NES: variants seen among roughly 807,000 people sequenced by gnomAD.
The protein encoded by NES is nestin.
NES carries 27 observed loss-of-function variants against 35.6 expected under a neutral mutation model. The ratio of observed to expected loss-of-function variants is 0.76; its 90% CI spans 0.56 to 1.04. The LOEUF (loss-of-function observed/expected upper bound fraction) is 1.04, where lower values mean the gene tolerates loss of function less well. Ranked by LOEUF, NES falls within the 50% of genes least tolerant of loss-of-function variation. The pLI is 0.00. For synonymous variants in NES, 822 were observed against 824.2 expected (o/e 1.00, Z 0.04); for missense variants, 1,867 against 1,983.6 (o/e 0.94, Z 1.12).
In NES at chr1:156,670,698, G is replaced by T; in HGVS notation, c.3490C>A (p.Pro1164Thr). 1.9e-6 allele frequency: 3 copies of T among 1,613,936 alleles called. No individual in the cohort carries two copies. The highest frequency in any genetic ancestry group is 2.5e-6 in the Non-Finnish European group (3 of 1,179,926). The change falls in exon 4 of 4, where the codon CCT becomes ACT. Residue 1164 changes from proline (P) to threonine (T), a missense_variant. Coordinates refer to ENST00000368223, the MANE Select transcript of NES (RefSeq NM_006617.2). ...CTACCCTCCCTGGGAGGCTCCCAAGGGTCTCTGCTCTTCCCAGGCAGCTCG... is the reference window on the plus strand; with the variant it reads ...CTACCCTCCCTGGGAGGCTCCCAAGTGTCTCTGCTCTTCCCAGGCAGCTCG... ...FSELPGKSRD[P>T]WEPPREGREE...
rs1397422889 is a variant in NES, at chr1:156,677,139, C to T, written c.126G>A (p.Gly42=). ...AGGTGTCCGCGGATTGTGCCCGGAG[C>T]CCCCCGAGCTCCGCGCTGAGCAGCT... ...QNELLSAELG[G]LRAQSADTSW... The change falls in exon 1 of 4, where the codon GGG becomes GGA. Residue 42 remains glycine (G), a synonymous_variant. Transcript: ENST00000368223. This position sits in a 1 kb window ranked among gnomAD's most constrained non-coding sequence, Gnocchi z 4.5. 1.1e-5 allele frequency: 17 copies of T among 1,609,108 alleles called. No individual in the cohort carries two copies. The highest frequency in any genetic ancestry group is 1.4e-5 in the Non-Finnish European group (17 of 1,178,518).
Position 156,670,850 on chromosome 1 carries a change from T to A in NES, c.3338A>T (p.His1113Leu). The A allele has an allele frequency of 1.2e-6, 2 of 1,612,286 alleles. No homozygotes were observed. The highest frequency in any genetic ancestry group is 4.5e-5 in the East Asian group (2 of 44,684). The change falls in exon 4 of 4, where the codon CAT (histidine) becomes CTT (leucine). Residue 1113 changes from histidine to leucine, a missense_variant. By Grantham distance (99) the His-to-Leu change is moderately conservative. Coordinates refer to ENST00000368223, the MANE Select transcript of NES (RefSeq NM_006617.2). ...QGVGGLGDPGHLTREEVMEPP... is the reference protein window; with the variant it reads ...QGVGGLGDPGLLTREEVMEPP... ...TTCCATCACCTCTTCCCTGGTCAGATGGCCTGGGTCCCCCAGCCCTCCCAC... is the reference window on the plus strand; with the variant it reads ...TTCCATCACCTCTTCCCTGGTCAGAAGGCCTGGGTCCCCCAGCCCTCCCAC...
Position 156,672,007 on chromosome 1 carries a change from T to G in NES, c.2181A>C (p.Glu727Asp). 6.2e-7 allele frequency: 1 copy of G among 1,614,084 alleles called. No homozygotes were observed. Among genetic ancestry groups the G allele is most frequent in the Non-Finnish European group, 8.5e-7 (1 of 1,180,006 alleles). ...GAGGTCTCACAATACTCTGGTCCTCTTCTTCTAGAGTCTTCAGTGGCTCCT... is the reference window on the plus strand; with the variant it reads ...GAGGTCTCACAATACTCTGGTCCTCGTCTTCTAGAGTCTTCAGTGGCTCCT... ...ENQEPLKTLE[E>D]EDQSIVRPLE... is the part of the protein sequence containing the mutation. Residue 727 changes from glutamate (E) to aspartate (D), a missense_variant, in exon 4 of 4, where the codon GAA becomes GAC. Glu to Asp is a conservative substitution (Grantham distance 45). Transcript: ENST00000368223.
At position 156,669,436 on chromosome 1, in the gene NES, C is replaced by A. The variant is rs141247172; in HGVS notation, c.4752G>T (p.Gly1584=). ...CTGCCCAAGAGGTCTTCAGAGCACT[C>A]CCCTCCTCCTCCTGAAAGGGGCTCC... ...DRGSPFQEEE[G]SALKTSWAGA... The change falls in exon 4 of 4, where the codon GGG becomes GGT. Residue 1584 remains glycine, a synonymous_variant. Transcript: ENST00000368223. 99 of 1,613,818 alleles carry A rather than the reference C, an allele frequency of 6.1e-5. No individual in the cohort carries two copies. Among genetic ancestry groups the A allele is most frequent in the Non-Finnish European group, 8.2e-5 (97 of 1,179,896 alleles).
In NES at chr1:156,669,115, G is replaced by A. The variant is rs907928768; in HGVS notation, c.*207C>T. 2.2e-6 allele frequency: 1 copy of A among 445,134 alleles called. No homozygotes were observed. The highest frequency in any genetic ancestry group is 2.0e-5 in the African/African-American group (1 of 50,652). The allele number at this position is 445,134 out of a possible 1,614,324, so 27.6% of individuals were successfully genotyped here. ...GGCAAGAGATTCCCTTTGCAGGGTG[G>A]GAGGTTATATTCCTACAGCCTCCAT... On this transcript the variant is annotated 3_prime_UTR_variant, in exon 4 of 4. Coordinates refer to ENST00000368223, the MANE Select transcript of NES (RefSeq NM_006617.2).
chr1:156,676,533 CTG>C lies in NES; in HGVS notation c.730_731del (p.Gln244GlufsTer14). ...GCTCCTGCCAGCGGCCCTCCAACCT[CTG>C]TTCCAACGCTGCCCTGCGCTCCAGG... ...GLLERRAALE[Q>X]RLEGRWQERL... On this transcript the variant is annotated frameshift_variant, in exon 1 of 4. Coordinates refer to ENST00000368223, the MANE Select transcript of NES (RefSeq NM_006617.2). LOFTEE classifies it high-confidence loss of function. This position sits in a 1 kb window ranked among gnomAD's most constrained non-coding sequence, Gnocchi z 5.3. The C allele has an allele frequency of 6.3e-7, 1 of 1,596,764 alleles. No individual in the cohort carries two copies. The highest frequency in any genetic ancestry group is 8.5e-7 in the Non-Finnish European group (1 of 1,178,922).
chr1:156,672,718 G>A lies in NES; in HGVS notation c.1470C>T (p.Phe490=), dbSNP rs1328345956. ...KDGESGGSRV[F]SICRGEGEGQ... ...CTTCACCTTCCCCTCGGCATATGCT[G>A]AACACTCTAGACCCACCGGATTCTC... The change falls in exon 4 of 4, where the codon TTC becomes TTT. Residue 490 remains phenylalanine, a synonymous_variant. Coordinates refer to ENST00000368223, the MANE Select transcript of NES (RefSeq NM_006617.2). 6.2e-7 allele frequency: 1 copy of A among 1,613,490 alleles called. No homozygotes were observed. Among genetic ancestry groups the A allele is most frequent in the South Asian group, 1.1e-5 (1 of 91,074 alleles).
At position 156,676,850 on chromosome 1, in the gene NES, C is replaced by G; in HGVS notation, c.415G>C (p.Ala139Pro). Residue 139 changes from alanine (A) to proline (P), a missense_variant, in exon 1 of 4, where the codon GCT becomes CCT. Transcript: ENST00000368223. This position sits in a 1 kb window ranked among gnomAD's most constrained non-coding sequence, Gnocchi z 5.3. ...TCCTCCTCGTGCGCCACGCGTAGAG[C>G]CTCTAGCTCGCGCTCCAGCTCTGCC... Reference protein sequence around the residue: ...QVAELERELEALRVAHEEERV... With the variant: ...QVAELERELEPLRVAHEEERV... The G allele has an allele frequency of 6.6e-7, 1 of 1,509,936 alleles. No individual in the cohort carries two copies. Among genetic ancestry groups the G allele is most frequent in the Non-Finnish European group, 8.7e-7 (1 of 1,143,178 alleles). 93.5% of individuals were successfully genotyped at this position (1,509,936 alleles called of 1,614,324 possible).
chr1:156,670,675 A>G lies in NES; in HGVS notation c.3513T>C (p.Gly1171=), dbSNP rs1412089886. 6.2e-7 allele frequency: 1 copy of G among 1,611,960 alleles called. No homozygotes were observed. Among genetic ancestry groups the G allele is most frequent in the South Asian group, 1.1e-5 (1 of 90,976 alleles). Residue 1171 remains glycine, a synonymous_variant, in exon 4 of 4, where the codon GGT becomes GGC. Transcript: ENST00000368223. The part of the protein sequence containing the change: ...SRDPWEPPRE[G]REESEAEAPR... ...GGGCCTCAGCCTCTGACTCCTCCCT[A>G]CCCTCCCTGGGAGGCTCCCAAGGGT... is the stretch of plus-strand genomic sequence containing the variant.
intron 2 of NES, among the ~76,000 whole-genome samples, chr1:156,674,760 G>A (rs1390629897): frequency 1.3e-5 from 2 of 152,190 alleles, no homozygotes; most frequent in African/African-American, 4.8e-5. Flanking sequence ...CCCCAGCCCA[G>A]CCCTCAGCCC....
At chr1:156,675,037 G>T (rs1270988377) in intron 2 of NES, among the ~76,000 whole-genome samples, 179 bp downstream of exon 2, 1 of 152,208 alleles carries the variant, frequency 6.6e-6, no homozygotes, top group African/African-American at 2.4e-5. Flanking sequence ...CAGCCTATGG[G>T]GGAGCAGACG....
chr1:156,673,592 C>G (rs2102587698), intron 2 of NES, 65 bp from the exon 3 acceptor site: 1 of 1,227,272 alleles, frequency 8.1e-7, no homozygotes. Context: ...AGCAAGCCAG[C>G]TGGGGACAAC....
chr1:156,671,707 T>C lies in NES; in HGVS notation c.2481A>G (p.Glu827=). The part of the protein sequence containing the change: ...AVKSLETEIL[E]SLKSAGQENL... ...TCTCTTGTCCCGCAGACTTCAGTGA[T>C]TCTAGGATCTCTGTTTCTAAAGATT... The change falls in exon 4 of 4, where the codon GAA becomes GAG. Residue 827 remains glutamate, a synonymous_variant. Coordinates refer to ENST00000368223, the MANE Select transcript of NES (RefSeq NM_006617.2). 1 of 1,613,898 alleles carries C rather than the reference T, an allele frequency of 6.2e-7. No individual in the cohort carries two copies. Among genetic ancestry groups the C allele is most frequent in the Non-Finnish European group, 8.5e-7 (1 of 1,179,972 alleles).
At position 156,676,811 on chromosome 1, in the gene NES, T is replaced by G; in HGVS notation, c.454A>C (p.Asn152His). 7.0e-7 allele frequency: 1 copy of G among 1,421,464 alleles called. No homozygotes were observed. The highest frequency in any genetic ancestry group is 9.1e-7 in the Non-Finnish European group (1 of 1,101,222). The allele number at this position is 1,421,464 out of a possible 1,614,324, so 88.1% of individuals were successfully genotyped here. A position where few individuals can be genotyped will look rare whatever the true frequency, so the allele number is the denominator to read the frequency against. ...VAHEEERVGLNAQAACAPRCP... is the reference protein window; with the variant it reads ...VAHEEERVGLHAQAACAPRCP... ...CGGGGGGCACAGGCAGCCTGCGCGT[T>G]CAGGCCGACGCGCTCCTCCTCGTGC... Residue 152 changes from asparagine to histidine, a missense_variant, in exon 1 of 4, where the codon AAC (asparagine) becomes CAC (histidine). Coordinates refer to ENST00000368223, the MANE Select transcript of NES (RefSeq NM_006617.2). The surrounding 1 kb of genome is among the most constrained non-coding windows in gnomAD (Gnocchi z 5.3).
At position 156,670,563 on chromosome 1, in the gene NES, CCT is replaced by C. The variant is rs781744047; in HGVS notation, c.3623_3624del (p.Glu1208GlyfsTer3). ...DAPSPWPLGS[E>X]EAEEDVPPVL... ...ACTGGTGGTACATCCTCCTCAGCTT[CCT>C]CTGACCCCAGAGGCCAAGGTGAAGG... On this transcript the variant is annotated frameshift_variant, in exon 4 of 4. Transcript: ENST00000368223. LOFTEE classifies it low-confidence loss of function (END_TRUNC). The C allele has an allele frequency of 4.3e-6, 7 of 1,612,574 alleles. No individual in the cohort carries two copies. The highest frequency in any genetic ancestry group is 5.9e-6 in the Non-Finnish European group (7 of 1,179,056).
Position 156,669,926 on chromosome 1 carries a change from T to G in NES, c.4262A>C (p.Glu1421Ala). ...GFADEEESGE[E>A]GEEDQEEGRE... Reference sequence around the variant, plus strand: ...CCCCTCCTCCTGATCCTCCTCTCCCTCCTCCCCACTTTCTTCCTCATCTGC... The same window carrying G: ...CCCCTCCTCCTGATCCTCCTCTCCCGCCTCCCCACTTTCTTCCTCATCTGC... Residue 1421 changes from glutamate (E) to alanine (A), a missense_variant, in exon 4 of 4, where the codon GAG becomes GCG. Glu to Ala is a moderately radical substitution (Grantham distance 107). Coordinates refer to ENST00000368223, the MANE Select transcript of NES (RefSeq NM_006617.2). 6.5e-7 allele frequency: 1 copy of G among 1,538,704 alleles called. No individual in the cohort carries two copies. Among genetic ancestry groups the G allele is most frequent in the Non-Finnish European group, 8.8e-7 (1 of 1,133,454 alleles).
chr1:156,670,632 C>G lies in NES; in HGVS notation c.3556G>C (p.Ala1186Pro). The G allele has an allele frequency of 6.2e-7, 1 of 1,613,926 alleles. No individual in the cohort carries two copies. The highest frequency in any genetic ancestry group is 8.5e-7 in the Non-Finnish European group (1 of 1,179,944). ...EAEAPRGAEEAFPAETLGHTG... is the reference protein window; with the variant it reads ...EAEAPRGAEEPFPAETLGHTG... Reference sequence around the variant, plus strand: ...TGGCCCAGGGTCTCAGCAGGGAACGCCTCCTCTGCTCCCCTGGGGGCCTCA... The same window carrying G: ...TGGCCCAGGGTCTCAGCAGGGAACGGCTCCTCTGCTCCCCTGGGGGCCTCA... The change falls in exon 4 of 4, where the codon GCG (alanine) becomes CCG (proline). Residue 1186 changes from alanine (A) to proline (P), a missense_variant. By Grantham distance (27) the Ala-to-Pro change is conservative. Transcript: ENST00000368223.
chr1:156,676,967 G>A lies in NES; in HGVS notation c.298C>T (p.Leu100=). The change falls in exon 1 of 4, where the codon CTG becomes TTG. Residue 100 remains leucine (L), a synonymous_variant. Coordinates refer to ENST00000368223, the MANE Select transcript of NES (RefSeq NM_006617.2). The surrounding 1 kb of genome is among the most constrained non-coding windows in gnomAD (Gnocchi z 5.3). ...TCCTCCGTCGTCCGCTCCCGGGCCA[G>A]CCGCAGCTGCTGGCATCGGCCTGCC... ...GVAGRCQQLR[L]ARERTTEEVA... The A allele has an allele frequency of 1.9e-6, 3 of 1,563,192 alleles. No homozygotes were observed. The highest frequency in any genetic ancestry group is 2.6e-6 in the Non-Finnish European group (3 of 1,162,568).
chr1:156,669,497 C>G lies in NES; in HGVS notation c.4691G>C (p.Gly1564Ala). 6.2e-7 allele frequency: 1 copy of G among 1,613,082 alleles called. No individual in the cohort carries two copies. Among genetic ancestry groups the G allele is most frequent in the Non-Finnish European group, 8.5e-7 (1 of 1,179,330 alleles). ...MNGLEQSEEV[G>A]QGMPLVSEGD... ...CTCAGAGACTAGCGGCATTCCTTGC[C>G]CCACTTCCTCAGACTGCTCCAGCCC... is the stretch of plus-strand genomic sequence containing the variant. Residue 1564 changes from glycine to alanine, a missense_variant, in exon 4 of 4, where the codon GGG becomes GCG. Physicochemically the swap from Gly to Ala is moderately conservative, Grantham distance 60. Transcript: ENST00000368223.
Sources: allele counts gnomAD v4.1 joint callset (sites outside exome capture counted in the v4.1 genomes callset), GRCh38; gene constraint gnomAD v4.1.1; non-coding constraint Gnocchi (gnomAD v3.1); transcripts MANE v1.5; gene names NCBI Gene and HGNC (gene_info 2026-07-23, HGNC 2026-07-21).